Variants in CTIF observed in about 807,000 individuals in gnomAD.
The protein encoded by CTIF is CBP80/20-dependent translation initiation factor.
In CTIF, 21 loss-of-function variants were observed where a neutral mutation model predicts 66.0. The observed-to-expected ratio is 0.32, with a 90% CI of 0.23 to 0.46. CTIF has a LOEUF of 0.46. Among genes scored for constraint, CTIF ranks in the 20% least tolerant of loss-of-function variants. The probability of loss-of-function intolerance (pLI) is 1.00; values close to 1 mark genes in which losing one functional copy is unlikely to be tolerated. For synonymous variants in CTIF, 345 were observed against 326.4 expected, an observed-to-expected ratio of 1.06 and a Z score of -0.62; for missense variants, 739 against 812.7, an observed-to-expected ratio of 0.91 and a Z score of 1.10.
intron 9 of CTIF, among the ~76,000 whole-genome samples, chr18:48,789,423 A>G (rs1028962502): frequency 7.9e-5 from 12 of 152,218 alleles, no homozygotes; most frequent in Non-Finnish European, 1.6e-4. Context: ...CTGGCCCTCA[A>G]TAAGTGCTCA....
intron 7 of CTIF, among the ~76,000 whole-genome samples, chr18:48,722,458 C>G (rs542536837): frequency 6.6e-6 from 1 of 151,978 alleles, no homozygotes; most frequent in African/African-American, 2.4e-5. Context: ...TGGCCTCAAG[C>G]AATCCTCTCA....
intron 6 of CTIF, among the ~76,000 whole-genome samples, chr18:48,699,497 A>G (rs1173391359): frequency 6.6e-6 from 1 of 152,138 alleles, no homozygotes. Context: ...CTTTGGCCCA[A>G]GAGTGTCCTG....
chr18:48,714,257 G>A (rs922685202), intron 7 of CTIF, among the ~76,000 whole-genome samples: 2 of 152,158 alleles, frequency 1.3e-5, no homozygotes, highest in African/African-American at 4.8e-5. Flanking sequence ...AATATTCTGG[G>A]CTTAAACTAC....
At chr18:48,594,269 A>G (rs2089949087) in intron 1 of CTIF, among the ~76,000 whole-genome samples, 1 of 152,018 alleles carries the variant, frequency 6.6e-6, no homozygotes, top group South Asian at 2.1e-4. Flanking sequence ...TTAATACTCC[A>G]TAGTCACTGT....
At chr18:48,850,534 A>G (rs1453116075) in intron 10 of CTIF, among the ~76,000 whole-genome samples, 2 of 152,236 alleles carry the variant, frequency 1.3e-5, no homozygotes, top group African/African-American at 4.8e-5. Context: ...AGGACAGGTC[A>G]TTTAGGCCAA....
rs143467112 is a variant in CTIF, at chr18:48,721,628, T to G, written c.584+9933T>G. Among the ~76,000 whole-genome samples, 379 of 152,280 alleles carry G rather than the reference T, an allele frequency of 2.5e-3. 3 individuals carry two copies. Among genetic ancestry groups the G allele is most frequent in the African/African-American group, 8.9e-3 (368 of 41,554 alleles). On this transcript the variant is annotated intron_variant, in intron 7 of 11. Coordinates refer to ENST00000256413, the MANE Select transcript of CTIF (RefSeq NM_014772.3). ...TTGGGCCCTGGACAAACCATTCTTC[T>G]TATGTCCCCAAGGACACCATTGTGC...
chr18:48,730,146 G>A (rs1027033233), intron 7 of CTIF, among the ~76,000 whole-genome samples: 5 of 152,252 alleles, frequency 3.3e-5, no homozygotes, highest in Non-Finnish European at 5.9e-5. Context: ...CACATTCAGG[G>A]CTAGCCACAT....
At chr18:48,799,527 G>A (rs531495152) in intron 9 of CTIF, among the ~76,000 whole-genome samples, 8 of 152,094 alleles carry the variant, frequency 5.3e-5, no homozygotes, top group South Asian at 2.1e-4. Context: ...TGTTAACATC[G>A]TGAGTGGACA....
At chr18:48,747,491 C>G (rs59765227) in intron 7 of CTIF, among the ~76,000 whole-genome samples, 4,187 of 152,282 alleles carry the variant, frequency 0.027, 188 homozygotes, top group African/African-American at 0.095. Context: ...GAGGCATGTT[C>G]ATTGTCCTAG....
rs2092098498 is a variant in CTIF, at chr18:48,702,600, G to A, written c.508-9019G>A. ...ATGTGTGGGGTGCCAGGGCTCAGCG[G>A]CAGCTTCCAGAAATTCCATGTTTAC... On this transcript the variant is annotated intron_variant, in intron 6 of 11. Transcript: ENST00000256413. Among the ~76,000 whole-genome samples, 2 of 152,188 alleles carry A rather than the reference G, an allele frequency of 1.3e-5. 1 individual carries two copies. The highest frequency in any genetic ancestry group is 4.1e-4 in the South Asian group (2 of 4,826).
Position 48,764,028 on chromosome 18 carries a change from C to A in CTIF, c.1371+2339C>A, listed in dbSNP as rs113697378. Among the ~76,000 whole-genome samples, 145 of 152,272 alleles carry A rather than the reference C, an allele frequency of 9.5e-4. 1 individual carries two copies. The highest frequency in any genetic ancestry group is 1.2e-3 in the Non-Finnish European group (82 of 68,014). On this transcript the variant is annotated intron_variant, in intron 9 of 11. Coordinates refer to ENST00000256413, the MANE Select transcript of CTIF (RefSeq NM_014772.3). The stretch of plus-strand genomic sequence containing the variant: ...CCACATCCTGCTCCCCACCCCCCAT[C>A]AGCCAGGCTGAACCTCCCAGTACAC...
At chr18:48,675,096 A>G (rs979337743) in intron 6 of CTIF, among the ~76,000 whole-genome samples, 6 of 151,976 alleles carry the variant, frequency 3.9e-5, no homozygotes, top group Admixed American at 1.3e-4. Context: ...GAAGGCTCTG[A>G]GTACAGGGCC....
intron 3 of CTIF, among the ~76,000 whole-genome samples, chr18:48,655,150 C>T (rs2091224748): frequency 6.6e-6 from 1 of 151,350 alleles, no homozygotes; most frequent in African/African-American, 2.4e-5. Context: ...AATAAAAATA[C>T]AAAAATTTGC....
intron 6 of CTIF, among the ~76,000 whole-genome samples, chr18:48,685,070 G>T (rs1038166140): frequency 6.9e-6 from 1 of 144,480 alleles, no homozygotes. Context: ...TACAAGATCA[G>T]ACTTTGCTTT....
At chr18:48,720,983 A>T (rs1380436844) in intron 7 of CTIF, among the ~76,000 whole-genome samples, 1 of 152,130 alleles carries the variant, frequency 6.6e-6, no homozygotes, top group Non-Finnish European at 1.5e-5. Flanking sequence ...ACCCACATCC[A>T]CGCGGGGGAC....
chr18:48,782,598 C>T (rs1490335856), intron 9 of CTIF, among the ~76,000 whole-genome samples: 1 of 152,220 alleles, frequency 6.6e-6, no homozygotes, highest in African/African-American at 2.4e-5. Context: ...TCAGCATTCG[C>T]TTTCCCCTCC....
At chr18:48,720,924 C>A (rs898321290) in intron 7 of CTIF, among the ~76,000 whole-genome samples, 2 of 152,202 alleles carry the variant, frequency 1.3e-5, no homozygotes, top group African/African-American at 4.8e-5. Flanking sequence ...TTCCTCCCAG[C>A]ATCACACTTC....
At position 48,700,858 on chromosome 18, in the gene CTIF, C is replaced by T. The variant is rs139187595; in HGVS notation, c.508-10761C>T. ...AGTCTTGTTTTCCTGTGTCTGTGCA[C>T]ACAGCATGCTCACAGGGCACCGTGG... is the stretch of plus-strand genomic sequence containing the variant. On this transcript the variant is annotated intron_variant, in intron 6 of 11. Coordinates refer to ENST00000256413, the MANE Select transcript of CTIF (RefSeq NM_014772.3). Among the ~76,000 whole-genome samples, 1,334 of 152,316 alleles carry T rather than the reference C, an allele frequency of 8.8e-3. 15 individuals carry two copies. Among genetic ancestry groups the T allele is most frequent in the African/African-American group, 0.029 (1,223 of 41,562 alleles).
At chr18:48,786,263 C>T (rs897878030) in intron 9 of CTIF, among the ~76,000 whole-genome samples, 1 of 152,154 alleles carries the variant, frequency 6.6e-6, no homozygotes, top group African/African-American at 2.4e-5. Context: ...TCCCAAGTCA[C>T]GATTGGTCCC....
Sources: gnomAD v4.1 joint callset for allele counts (sites outside exome capture counted in the v4.1 genomes callset) on GRCh38, gnomAD v4.1.1 for gene constraint, MANE v1.5 for transcripts, NCBI Gene and HGNC (gene_info 2026-07-23, HGNC 2026-07-21) for gene names.